KCNQ1: variants seen among roughly 807,000 people sequenced by gnomAD.
The protein encoded by KCNQ1 is potassium voltage-gated channel subfamily Q member 1.
KCNQ1 carries 49 observed loss-of-function variants against 72.4 expected under a neutral mutation model. That is an observed-to-expected ratio of 0.68 (90% CI 0.54 to 0.86). KCNQ1 has a LOEUF of 0.86. KCNQ1 is among the 40% of genes least tolerant of loss of function. KCNQ1 has a pLI of 0.00. For missense variants in KCNQ1, 790 were observed against 945.1 expected (o/e 0.84, Z 2.15); for synonymous variants, 450 against 412.6 (o/e 1.09, Z -1.10).
At position 2,603,165 on chromosome 11, in the gene KCNQ1, A is replaced by T. The variant is rs892120309; in HGVS notation, c.1393+14311A>T. ...AATGAAGCAAATATTGCAATAAAGC[A>T]AGTCACACAAATTTTTTGGTTTGCC... On this transcript the variant is annotated intron_variant, in intron 10 of 15. Coordinates refer to ENST00000155840, the MANE Select transcript of KCNQ1 (RefSeq NM_000218.3). This position sits in a 1 kb window ranked among gnomAD's most constrained non-coding sequence, Gnocchi z 4.1. Among the ~76,000 whole-genome samples, 1 of 152,238 alleles carries T rather than the reference A, an allele frequency of 6.6e-6. No individual in the cohort carries two copies. Among genetic ancestry groups the T allele is most frequent in the East Asian group, 1.9e-4 (1 of 5,202 alleles).
In KCNQ1 at chr11:2,481,837, C is replaced by G. The variant is rs1468135726; in HGVS notation, c.386+36353C>G. On this transcript the variant is annotated intron_variant, in intron 1 of 15. Coordinates refer to ENST00000155840, the MANE Select transcript of KCNQ1 (RefSeq NM_000218.3). The surrounding 1 kb of genome is among the most constrained non-coding windows in gnomAD (Gnocchi z 4.6). ...AACAAGCTCAGGGCTCTCACTGATT[C>G]TACATTATGGTGAGTTGTATAATTA... Among the ~76,000 whole-genome samples, 3 of 152,172 alleles carry G rather than the reference C, an allele frequency of 2.0e-5. No homozygotes were observed. Among genetic ancestry groups the G allele is most frequent in the Non-Finnish European group, 2.9e-5 (2 of 68,042 alleles).
At position 2,563,614 on chromosome 11, in the gene KCNQ1, G is replaced by A. The variant is rs530171718; in HGVS notation, c.478-7014G>A. On this transcript the variant is annotated intron_variant, in intron 2 of 15. Coordinates refer to ENST00000155840, the MANE Select transcript of KCNQ1 (RefSeq NM_000218.3). The surrounding 1 kb of genome is among the most constrained non-coding windows in gnomAD (Gnocchi z 7.4). ...ATGACAAGATTTCAGTACCAATAGC[G>A]AAGCCGTCAGTGGCAGTGACTGTGC... Among the ~76,000 whole-genome samples, 20 of 152,346 alleles carry A rather than the reference G, an allele frequency of 1.3e-4. No homozygotes were observed. Among genetic ancestry groups the A allele is most frequent in the African/African-American group, 2.4e-4 (10 of 41,572 alleles).
chr11:2,847,686 C>T, intron 15 of KCNQ1, 81 bp from the exon 16 acceptor site: 2 of 1,338,112 alleles, frequency 1.5e-6, no homozygotes, highest in Non-Finnish European at 2.1e-6. Flanking sequence ...CCTTCTCTGG[C>T]CCCAAACCTG....
At chr11:2,461,306 C>G in intron 1 of KCNQ1, 1 of 769,818 alleles carries the variant, frequency 1.3e-6, no homozygotes, top group Non-Finnish European at 1.8e-6. Flanking sequence ...CAGGCCGCCT[C>G]GCAGCAGATT....
intron 1 of KCNQ1, among the ~76,000 whole-genome samples, chr11:2,522,923 A>C (rs923527188): frequency 1.3e-5 from 2 of 152,234 alleles, no homozygotes; most frequent in African/African-American, 4.8e-5. Flanking sequence ...ACCCATGTGC[A>C]GTCTTCCCTG....
In KCNQ1 at chr11:2,543,685, A is replaced by C. The variant is rs1309289952; in HGVS notation, c.477+15667A>C. Among the ~76,000 whole-genome samples, 1 of 152,170 alleles carries C rather than the reference A, an allele frequency of 6.6e-6. No homozygotes were observed. The highest frequency in any genetic ancestry group is 1.5e-5 in the Non-Finnish European group (1 of 68,018). On this transcript the variant is annotated intron_variant, in intron 2 of 15. Transcript: ENST00000155840. This position sits in a 1 kb window ranked among gnomAD's most constrained non-coding sequence, Gnocchi z 5.6. ...CATTCTATTTAGGAAATGCTTACCA[A>C]ACACACTCTTACTAAGATTTTCTGC... is the stretch of plus-strand genomic sequence containing the variant.
At chr11:2,614,219 A>G (rs1026425102) in intron 10 of KCNQ1, 7 of 398,430 alleles carry the variant, frequency 1.8e-5, no homozygotes, top group Non-Finnish European at 2.2e-5. Context: ...AGTCATTTGC[A>G]AGAGCCTCCA....
intron 15 of KCNQ1, among the ~76,000 whole-genome samples, chr11:2,833,579 G>A (rs949966371): frequency 2.0e-4 from 31 of 152,232 alleles, no homozygotes; most frequent in Non-Finnish European, 7.3e-5. Context: ...GTGTCACTGG[G>A]AGGCAAGAGG....
intron 2 of KCNQ1, among the ~76,000 whole-genome samples, chr11:2,553,750 T>C (rs1452232700): frequency 6.6e-6 from 1 of 152,096 alleles, no homozygotes; most frequent in Non-Finnish European, 1.5e-5. Flanking sequence ...AGTCTTGGTC[T>C]TTTTGCCCAA....
chr11:2,630,505 A>G lies in KCNQ1; in HGVS notation c.1394-31456A>G, dbSNP rs1849335786. 7.5e-6 allele frequency: 3 copies of G among 398,310 alleles called. No homozygotes were observed. The East Asian group carries it at 1.1e-4, about 14-fold the overall frequency. 24.7% of individuals were successfully genotyped at this position (398,310 alleles called of 1,614,324 possible). ...CTTCCCCCGCTACATTTTATTTTTG[A>G]TGCCCCAAGGTACACCTTTTAATAT... On this transcript the variant is annotated intron_variant, in intron 10 of 15. Coordinates refer to ENST00000155840, the MANE Select transcript of KCNQ1 (RefSeq NM_000218.3).
In KCNQ1 at chr11:2,663,019, G is replaced by C. The variant is rs548858548; in HGVS notation, c.1514+938G>C. 9 of 398,722 alleles carry C rather than the reference G, an allele frequency of 2.3e-5. No individual in the cohort carries two copies. In the East Asian group the frequency reaches 2.5e-4, roughly 11 times the overall value. The allele number at this position is 398,722 out of a possible 1,614,324, so 24.7% of individuals were successfully genotyped here. A position where few individuals can be genotyped will look rare whatever the true frequency, so the allele number is the denominator to read the frequency against. On this transcript the variant is annotated intron_variant, in intron 11 of 15. Coordinates refer to ENST00000155840, the MANE Select transcript of KCNQ1 (RefSeq NM_000218.3). This position sits in a 1 kb window ranked among gnomAD's most constrained non-coding sequence, Gnocchi z 5.2. ...CCTTGCAAATCACTGAGGAAATCGGGACCCATGGTGCTGGGGGCTGCAGGT... is the reference window on the plus strand; with the variant it reads ...CCTTGCAAATCACTGAGGAAATCGGCACCCATGGTGCTGGGGGCTGCAGGT...
rs775497150 is a variant in KCNQ1 at position 2,847,970 on chromosome 11, C to T, written c.1998C>T (p.Thr666=). The change falls in exon 16 of 16, where the codon ACC becomes ACT. Residue 666 remains threonine, a synonymous_variant. Coordinates refer to ENST00000155840, the MANE Select transcript of KCNQ1 (RefSeq NM_000218.3). ...SNTLPTYEQL[T]VPRRGPDEGS Reference sequence around the variant, plus strand: ...CCCTGCCCACCTACGAGCAGCTGACCGTGCCCAGGAGGGGCCCCGATGAGG... The same window carrying T: ...CCCTGCCCACCTACGAGCAGCTGACTGTGCCCAGGAGGGGCCCCGATGAGG... 32 of 1,558,328 alleles carry T rather than the reference C, an allele frequency of 2.1e-5. No homozygotes were observed. The highest frequency in any genetic ancestry group is 2.4e-5 in the South Asian group (2 of 84,552).
intron 3 of KCNQ1, among the ~76,000 whole-genome samples, chr11:2,571,115 G>A (rs1210484383): frequency 2.0e-5 from 3 of 152,270 alleles, no homozygotes; most frequent in East Asian, 1.9e-4. Context: ...AGCCTAGGCC[G>A]GGGGCTCCAC....
chr11:2,681,171 G>C (rs1850390111), intron 11 of KCNQ1: 1 of 398,478 alleles, frequency 2.5e-6, no homozygotes, highest in African/African-American at 2.1e-5. Flanking sequence ...TGAATGCTAA[G>C]AGGGTTTGGA....
intron 15 of KCNQ1, among the ~76,000 whole-genome samples, chr11:2,814,372 T>C (rs907959818): frequency 6.7e-6 from 1 of 149,132 alleles, no homozygotes; most frequent in Non-Finnish European, 1.5e-5. Flanking sequence ...AAGAGGTGGA[T>C]AGATAAATGG....
chr11:2,747,783 A>T (rs1846163211), intron 11 of KCNQ1, among the ~76,000 whole-genome samples: 1 of 152,074 alleles, frequency 6.6e-6, no homozygotes, highest in Non-Finnish European at 1.5e-5. Flanking sequence ...TCATGGGGGC[A>T]GGTTCCAGAG....
Position 2,645,848 on chromosome 11 carries a change from ATG to A in KCNQ1, c.1394-16108_1394-16107del. ...CTGAAGTTGCCTGAGGATTCAGGGG[ATG>A]TGTGAATTGCCTGAGGATTCAGGGT... On this transcript the variant is annotated intron_variant, in intron 10 of 15. Transcript: ENST00000155840. This position sits in a 1 kb window ranked among gnomAD's most constrained non-coding sequence, Gnocchi z 5.8. 2.5e-6 allele frequency: 1 copy of A among 398,518 alleles called. No homozygotes were observed. Among genetic ancestry groups the A allele is most frequent in the Non-Finnish European group, 4.4e-6 (1 of 226,114 alleles). The allele number at this position is 398,518 out of a possible 1,614,324, so 24.7% of individuals were successfully genotyped here. A position where few individuals can be genotyped will look rare whatever the true frequency, so the allele number is the denominator to read the frequency against.
rs529463328 is a variant in KCNQ1, at chr11:2,536,157, T to C, written c.477+8139T>C. Among the ~76,000 whole-genome samples the C allele has an allele frequency of 5.9e-4, 90 of 152,244 alleles. 1 individual carries two copies. The highest frequency in any genetic ancestry group is 2.0e-3 in the African/African-American group (85 of 41,542). On this transcript the variant is annotated intron_variant, in intron 2 of 15. Coordinates refer to ENST00000155840, the MANE Select transcript of KCNQ1 (RefSeq NM_000218.3). This position sits in a 1 kb window ranked among gnomAD's most constrained non-coding sequence, Gnocchi z 7.4. ...GGAAGGCTGGTCCGCTCCCTGCCTG[T>C]GACAGGAGCTCAGGCTCAGGGCAGC...
chr11:2,847,688 C>T, intron 15 of KCNQ1, 79 bp from the exon 16 acceptor site: 2 of 1,385,388 alleles, frequency 1.4e-6, no homozygotes, highest in African/African-American at 2.9e-5. Context: ...TTCTCTGGCC[C>T]CAAACCTGGG....
Sources: allele counts gnomAD v4.1 joint callset (sites outside exome capture counted in the v4.1 genomes callset), GRCh38; gene constraint gnomAD v4.1.1; non-coding constraint Gnocchi (gnomAD v3.1); transcripts MANE v1.5; gene names NCBI Gene and HGNC (gene_info 2026-07-23, HGNC 2026-07-21).